Variants in SRGAP1 observed in about 807,000 individuals in gnomAD.
SRGAP1 encodes SLIT-ROBO Rho GTPase-activating protein 1.
SRGAP1 carries 43 observed loss-of-function variants against 121.9 expected under a neutral mutation model. The observed-to-expected ratio is 0.35, with a 90% CI of 0.28 to 0.46. The LOEUF (loss-of-function observed/expected upper bound fraction) is 0.46, where lower values mean the gene tolerates loss of function less well. Among genes scored for constraint, SRGAP1 ranks in the 20% least tolerant of loss-of-function variants. The pLI, the probability that SRGAP1 is intolerant of heterozygous loss-of-function variation, is 1.00. For missense variants in SRGAP1, 1,102 were observed against 1,350.9 expected (o/e 0.82, Z 2.89); for synonymous variants, 447 against 485.4 (o/e 0.92, Z 1.04).
chr12:63,962,051 C>G (rs900971962), intron 1 of SRGAP1, among the ~76,000 whole-genome samples: 6 of 152,126 alleles, frequency 3.9e-5, no homozygotes, highest in African/African-American at 1.2e-4. Context: ...TAGTGTTCTC[C>G]CACATTTTCT....
intron 3 of SRGAP1, among the ~76,000 whole-genome samples, chr12:63,994,226 A>G (rs2033631574): frequency 6.6e-6 from 1 of 152,158 alleles, no homozygotes; most frequent in South Asian, 2.1e-4. Flanking sequence ...TATTATCTCT[A>G]TTATAAGCAC....
rs752560812 is a variant in SRGAP1 at position 64,156,581 on chromosome 12, G to A, written c.*13909G>A. The stretch of plus-strand genomic sequence containing the variant: ...CCCCAAGATTAGGGGTTTTGTTAGA[G>A]GCAAAGCTAAAAGGAAATGATAAAA... On this transcript the variant is annotated 3_prime_UTR_variant, in exon 22 of 22. Transcript: ENST00000355086. The A allele has an allele frequency of 6.6e-6, 1 of 152,150 alleles. No homozygotes were observed. The highest frequency in any genetic ancestry group is 1.9e-4 in the East Asian group (1 of 5,198). 9.4% of individuals were successfully genotyped at this position (152,150 alleles called of 1,614,324 possible).
chr12:63,918,117 C>T (rs1156324066), intron 1 of SRGAP1, among the ~76,000 whole-genome samples: 4 of 152,028 alleles, frequency 2.6e-5, no homozygotes, highest in East Asian at 1.9e-4. Flanking sequence ...AGTAAAACTG[C>T]GTAAAGAATG....
chr12:63,931,155 G>C (rs1279011234), intron 1 of SRGAP1, among the ~76,000 whole-genome samples: 5 of 152,160 alleles, frequency 3.3e-5, no homozygotes, highest in Non-Finnish European at 7.3e-5. Context: ...GTTTTGGCCA[G>C]ATGATTCACA....
intron 4 of SRGAP1, among the ~76,000 whole-genome samples, chr12:64,032,077 C>T (rs1400122418): frequency 6.6e-6 from 1 of 152,170 alleles, no homozygotes; most frequent in Non-Finnish European, 1.5e-5. Context: ...GGTTCTTTGT[C>T]CCATGGCCAT....
intron 3 of SRGAP1, among the ~76,000 whole-genome samples, chr12:64,001,783 T>G (rs2033908183): frequency 6.6e-6 from 1 of 152,056 alleles, no homozygotes; most frequent in Non-Finnish European, 1.5e-5. Flanking sequence ...GCCACTAAAT[T>G]TGGATGTTTT....
chr12:63,965,101 T>C (rs967612620), intron 1 of SRGAP1, among the ~76,000 whole-genome samples: 21 of 152,292 alleles, frequency 1.4e-4, no homozygotes, highest in African/African-American at 4.1e-4. Flanking sequence ...ATAGGAATGT[T>C]CGAATGTGTG....
intron 3 of SRGAP1, among the ~76,000 whole-genome samples, chr12:64,007,346 G>C (rs575290155): frequency 7.9e-5 from 12 of 152,246 alleles, no homozygotes; most frequent in African/African-American, 2.9e-4. Context: ...ATTCTCATAA[G>C]GAGCACATAA....
At chr12:63,903,387 T>C (rs1240268512) in intron 1 of SRGAP1, among the ~76,000 whole-genome samples, 1 of 151,884 alleles carries the variant, frequency 6.6e-6, no homozygotes, top group Non-Finnish European at 1.5e-5. Context: ...AATTGTAAAT[T>C]TGTATTGTAT....
intron 1 of SRGAP1, among the ~76,000 whole-genome samples, chr12:63,980,500 C>T (rs2033217733): frequency 6.6e-6 from 1 of 152,040 alleles, no homozygotes; most frequent in Non-Finnish European, 1.5e-5. Flanking sequence ...GATAGCCATG[C>T]CATTTGTGCA....
At chr12:63,999,421 C>A (rs2033810312) in intron 3 of SRGAP1, among the ~76,000 whole-genome samples, 1 of 152,170 alleles carries the variant, frequency 6.6e-6, no homozygotes. Context: ...TCTCAGTTTG[C>A]AGCTCTTGGA....
At chr12:64,012,846 C>T (rs528057070) in intron 3 of SRGAP1, among the ~76,000 whole-genome samples, 24 of 151,844 alleles carry the variant, frequency 1.6e-4, no homozygotes, top group African/African-American at 4.8e-4. Context: ...CCACTACACC[C>T]GGCCTGTTTT....
chr12:63,893,895 G>A (rs1056952873), intron 1 of SRGAP1, among the ~76,000 whole-genome samples: 3 of 152,190 alleles, frequency 2.0e-5, no homozygotes, highest in South Asian at 4.1e-4. Flanking sequence ...CTTCAGTGCC[G>A]TAGCACAATC....
chr12:63,929,822 ATTTTTT>A (rs1425320973), intron 1 of SRGAP1, among the ~76,000 whole-genome samples: 1 of 152,050 alleles, frequency 6.6e-6, no homozygotes, highest in Non-Finnish European at 1.5e-5. Flanking sequence ...AGTTCAAAAC[ATTTTTT>A]TCTTTTTCTA....
intron 8 of SRGAP1, 125 bp downstream of exon 8, chr12:64,065,344 T>C: frequency 1.2e-6 from 1 of 828,576 alleles, no homozygotes; most frequent in South Asian, 1.5e-5. Flanking sequence ...TTTCCTGCTC[T>C]CAGGGTTCCT....
rs999435157 is a variant in SRGAP1 at position 64,150,685 on chromosome 12, C to G, written c.*8013C>G. 2.3e-4 allele frequency: 13 copies of G among 57,098 alleles called. No individual in the cohort carries two copies. The highest frequency in any genetic ancestry group is 5.0e-4 in the African/African-American group (12 of 24,096). 3.5% of individuals were successfully genotyped at this position (57,098 alleles called of 1,614,324 possible). A position where few individuals can be genotyped will look rare whatever the true frequency, so the allele number is the denominator to read the frequency against. ...AAAAGTGGTGTCTCATGCCTGTAAT[C>G]CCAGCACTTTGAGAGGCCAAGGCAG... On this transcript the variant is annotated 3_prime_UTR_variant, in exon 22 of 22. Coordinates refer to ENST00000355086, the MANE Select transcript of SRGAP1 (RefSeq NM_020762.4).
At chr12:64,114,730 A>C (rs1210631221) in intron 17 of SRGAP1, among the ~76,000 whole-genome samples, 1 of 152,140 alleles carries the variant, frequency 6.6e-6, no homozygotes, top group Non-Finnish European at 1.5e-5. Context: ...AAGTTTGTAG[A>C]TGTCTGGTCA....
intron 1 of SRGAP1, among the ~76,000 whole-genome samples, chr12:63,850,077 G>A (rs527696575): frequency 1.3e-3 from 193 of 152,262 alleles, no homozygotes; most frequent in African/African-American, 4.5e-3. Flanking sequence ...CCAGGCAGCA[G>A]CTTCACAGGG....
At chr12:64,141,195 T>A (rs527826901) in intron 21 of SRGAP1, among the ~76,000 whole-genome samples, 4 of 145,648 alleles carry the variant, frequency 2.7e-5, no homozygotes, top group African/African-American at 1.1e-4. Context: ...GTGGGTGCAG[T>A]GCACCAGCAT....
Sources: allele counts gnomAD v4.1 joint callset (sites outside exome capture counted in the v4.1 genomes callset), GRCh38; gene constraint gnomAD v4.1.1; transcripts MANE v1.5; gene names NCBI Gene and HGNC (gene_info 2026-07-23, HGNC 2026-07-21).